The following WDR48 variants were observed in gnomAD, a reference collection of about 807,000 sequenced individuals.
The protein encoded by WDR48 is WD repeat domain 48.
WDR48 carries 22 observed loss-of-function variants against 94.0 expected under a neutral mutation model. The observed-to-expected ratio is 0.23, with a 90% confidence interval of 0.17 to 0.33. The LOEUF (loss-of-function observed/expected upper bound fraction) is 0.33. WDR48 is among the 10% of genes least tolerant of loss of function. The pLI, the probability that WDR48 is intolerant of heterozygous loss-of-function variation, is 1.00. For missense variants in WDR48, 541 were observed against 813.8 expected, an observed-to-expected ratio of 0.66 and a Z score of 4.08; for synonymous variants, 278 against 280.5, an observed-to-expected ratio of 0.99 and a Z score of 0.09.
At chr3:39,069,844 A>AT in intron 7 of WDR48, 100 bp downstream of exon 7, 1 of 941,648 alleles carries the variant, frequency 1.1e-6, no homozygotes, top group Non-Finnish European at 1.5e-6. Context: ...AGCCACACTT[A>AT]TTATAAATTG....
In WDR48 at chr3:39,096,514, C is replaced by T. The variant is rs2035344264; in HGVS notation, c.*1771C>T. The T allele has an allele frequency of 6.6e-6, 1 of 152,184 alleles. No homozygotes were observed. Among genetic ancestry groups the T allele is most frequent in the African/African-American group, 2.4e-5 (1 of 41,438 alleles). 9.4% of individuals were successfully genotyped at this position (152,184 alleles called of 1,614,324 possible). A position where few individuals can be genotyped will look rare whatever the true frequency, so the allele number is the denominator to read the frequency against. ...AGCCTTGGGTGGCTGCATTCCCCTC[C>T]TGTCATAGATCTGACCCCCAGCATG... On this transcript the variant is annotated 3_prime_UTR_variant, in exon 19 of 19. Transcript: ENST00000302313.
rs554020526 is a variant in WDR48, at chr3:39,095,780, A to T, written c.*1037A>T. The T allele has an allele frequency of 6.5e-6, 1 of 152,752 alleles. No homozygotes were observed. Among genetic ancestry groups the T allele is most frequent in the South Asian group, 2.1e-4 (1 of 4,830 alleles). The allele number at this position is 152,752 out of a possible 1,614,324, so 9.5% of individuals were successfully genotyped here. A position where few individuals can be genotyped will look rare whatever the true frequency, so the allele number is the denominator to read the frequency against. ...TTCTTTTCACTGTTCTAACAATCTA[A>T]CACTTTCATAGAATCATTTGGATCT... On this transcript the variant is annotated 3_prime_UTR_variant, in exon 19 of 19. Coordinates refer to ENST00000302313, the MANE Select transcript of WDR48 (RefSeq NM_020839.4).
chr3:39,068,758 T>C lies in WDR48; in HGVS notation c.482-13T>C. 1 of 1,595,528 alleles carries C rather than the reference T, an allele frequency of 6.3e-7. No homozygotes were observed. The highest frequency in any genetic ancestry group is 1.3e-5 in the African/African-American group (1 of 74,724). On this transcript the variant is annotated splice_polypyrimidine_tract_variant and intron_variant, in intron 5 of 18. Transcript: ENST00000302313. ...TGATCTTGTTAACATTTAGCTCCGTTTATCCTCAATAGCTTCTTCTTTAAG... is the reference window on the plus strand; with the variant it reads ...TGATCTTGTTAACATTTAGCTCCGTCTATCCTCAATAGCTTCTTCTTTAAG...
intron 4 of WDR48, 31 bp from the exon 5 acceptor site, chr3:39,066,715 A>T (rs980619334): frequency 1.2e-6 from 2 of 1,613,130 alleles, no homozygotes; most frequent in African/African-American, 2.7e-5. Context: ...TGATCTACAG[A>T]ATAGATCATA....
chr3:39,076,798 C>A (rs1485778037), intron 8 of WDR48, among the ~76,000 whole-genome samples: 2 of 152,072 alleles, frequency 1.3e-5, no homozygotes, highest in Non-Finnish European at 2.9e-5. Context: ...TTCCTTGTTA[C>A]TATAGAAACA....
intron 16 of WDR48, chr3:39,090,653 A>G (rs1398681539): frequency 6.6e-6 from 1 of 152,088 alleles, no homozygotes; most frequent in Admixed American, 6.6e-5. Flanking sequence ...TTTATTGAAA[A>G]TCTGTCCTTT....
At chr3:39,054,159 T>C (rs1035006894) in intron 1 of WDR48, among the ~76,000 whole-genome samples, 1 of 152,338 alleles carries the variant, frequency 6.6e-6, no homozygotes, top group Middle Eastern at 3.4e-3. Context: ...TAATGCGTGT[T>C]CATTGTAAAA....
Position 39,079,024 on chromosome 3 carries a change from C to T in WDR48, c.1076-687C>T, listed in dbSNP as rs1297509854. 5.4e-4 allele frequency among the ~76,000 whole-genome samples: 68 copies of T among 125,594 alleles called. 1 individual carries two copies. Among genetic ancestry groups the T allele is most frequent in the Admixed American group, 4.6e-3 (60 of 13,022 alleles). The allele number at this position is 125,594 out of a possible 152,430, so 82.4% of individuals were successfully genotyped here. ...CAGCCTGGGCGACAGAGCGAGACTC[C>T]GTCTCAAAAAAAAAAAAAAAAAATG... On this transcript the variant is annotated intron_variant, in intron 10 of 18. Coordinates refer to ENST00000302313, the MANE Select transcript of WDR48 (RefSeq NM_020839.4).
chr3:39,092,490 G>A lies in WDR48; in HGVS notation c.1745+789G>A, dbSNP rs116960955. Among the ~76,000 whole-genome samples, 99 of 152,304 alleles carry A rather than the reference G, an allele frequency of 6.5e-4. 1 individual carries two copies. The East Asian group carries it at 0.018, about 28-fold the overall frequency. ...GAGGACCCATGCACCTGCAGCATGGGATGGAGGGGCAGCAGGGGGATATTA... is the reference window on the plus strand; with the variant it reads ...GAGGACCCATGCACCTGCAGCATGGAATGGAGGGGCAGCAGGGGGATATTA... On this transcript the variant is annotated intron_variant, in intron 17 of 18. Transcript: ENST00000302313.
Position 39,074,649 on chromosome 3 carries a change from C to T in WDR48, c.673-77C>T, listed in dbSNP as rs1044127712. 9.3e-6 allele frequency: 13 copies of T among 1,404,038 alleles called. No homozygotes were observed. In the East Asian group the frequency reaches 2.6e-4, roughly 28 times the overall value. The allele number at this position is 1,404,038 out of a possible 1,614,324, so 87.0% of individuals were successfully genotyped here. A position where few individuals can be genotyped will look rare whatever the true frequency, so the allele number is the denominator to read the frequency against. On this transcript the variant is annotated intron_variant, in intron 7 of 18. Coordinates refer to ENST00000302313, the MANE Select transcript of WDR48 (RefSeq NM_020839.4). ...AGTCGTGTGTTTGACAGTGTGGACTCGGGAGAAGTCAAGTGCAAAGCACAA... is the reference window on the plus strand; with the variant it reads ...AGTCGTGTGTTTGACAGTGTGGACTTGGGAGAAGTCAAGTGCAAAGCACAA...
Position 39,095,831 on chromosome 3 carries a change from T to G in WDR48, c.*1088T>G, listed in dbSNP as rs2035308239. On this transcript the variant is annotated 3_prime_UTR_variant, in exon 19 of 19. Coordinates refer to ENST00000302313, the MANE Select transcript of WDR48 (RefSeq NM_020839.4). ...TGTATAGAGTGTAACTTATTGGGGA[T>G]AAACACTTCAACTTTTGGCAGAAAA... is the stretch of plus-strand genomic sequence containing the variant. 8.5e-5 allele frequency: 13 copies of G among 152,696 alleles called. No individual in the cohort carries two copies. Among genetic ancestry groups the G allele is most frequent in the Admixed American group, 8.5e-4 (13 of 15,286 alleles). 9.5% of individuals were successfully genotyped at this position (152,696 alleles called of 1,614,324 possible).
At position 39,063,188 on chromosome 3, in the gene WDR48, A is replaced by C. The variant is rs765166210; in HGVS notation, c.187A>C (p.Lys63Gln). ...IIRIWSVNQHKQDPYIASMEH... is the reference protein window; with the variant it reads ...IIRIWSVNQHQQDPYIASMEH... ...AAGAATATGGAGTGTCAATCAGCAC[A>C]AGGTAATGCAGGGATTAAAATCTGT... The change falls in exon 2 of 19, where the codon AAG becomes CAG. Residue 63 changes from lysine to glutamine, a missense_variant and splice_region_variant. Coordinates refer to ENST00000302313, the MANE Select transcript of WDR48 (RefSeq NM_020839.4). 1 of 1,613,918 alleles carries C rather than the reference A, an allele frequency of 6.2e-7. No homozygotes were observed. The highest frequency in any genetic ancestry group is 1.1e-5 in the South Asian group (1 of 91,044).
chr3:39,066,108 G>A (rs1447310739), intron 3 of WDR48, among the ~76,000 whole-genome samples: 3 of 152,096 alleles, frequency 2.0e-5, no homozygotes, highest in Non-Finnish European at 4.4e-5. Context: ...TTGCCCCAAG[G>A]TAACTGCTCT....
chr3:39,082,868 G>T (rs1466497146), intron 11 of WDR48, among the ~76,000 whole-genome samples: 4 of 152,196 alleles, frequency 2.6e-5, no homozygotes, highest in Non-Finnish European at 5.9e-5. Context: ...GTTACAGTTT[G>T]ATGTCATAGG....
intron 7 of WDR48, among the ~76,000 whole-genome samples, chr3:39,073,569 A>G (rs976749591): frequency 8.5e-5 from 13 of 152,154 alleles, no homozygotes; most frequent in African/African-American, 3.1e-4. Flanking sequence ...CCTCCGGGCC[A>G]TTCTTTTTCC....
intron 10 of WDR48, among the ~76,000 whole-genome samples, chr3:39,078,891 G>T (rs373728946): frequency 1.6e-4 from 24 of 151,558 alleles, no homozygotes; most frequent in African/African-American, 5.3e-4. Flanking sequence ...TTAGCTGGGC[G>T]TAGTGGCGGG....
In WDR48 at chr3:39,079,786, T is replaced by C; in HGVS notation, c.1151T>C (p.Val384Ala). The C allele has an allele frequency of 6.4e-7, 1 of 1,555,828 alleles. No homozygotes were observed. The highest frequency in any genetic ancestry group is 8.6e-7 in the Non-Finnish European group (1 of 1,157,904). Residue 384 changes from valine to alanine, a missense_variant, in exon 11 of 19, where the codon GTG (valine) becomes GCG (alanine). Coordinates refer to ENST00000302313, the MANE Select transcript of WDR48 (RefSeq NM_020839.4). The part of the protein sequence containing the change: ...HILTKDTNNN[V>A]AYWDVLKACK... ...TTAACCAAAGATACCAATAATAATG[T>C]GGCATATTGGGATGTATTGAAGGTG...
rs752718532 is a variant in WDR48, at chr3:39,084,597, T to C, written c.1282-48T>C. ...ATAAATGAAGGTTTAGAGACTTGTT[T>C]GGAGAATATATTCAAATGGGATGCC... is the stretch of plus-strand genomic sequence containing the variant. On this transcript the variant is annotated intron_variant, in intron 12 of 18. Coordinates refer to ENST00000302313, the MANE Select transcript of WDR48 (RefSeq NM_020839.4). The C allele has an allele frequency of 4.6e-6, 7 of 1,531,986 alleles. No individual in the cohort carries two copies. In the South Asian group the frequency reaches 8.0e-5, roughly 17 times the overall value. The allele number at this position is 1,531,986 out of a possible 1,614,324, so 94.9% of individuals were successfully genotyped here.
intron 9 of WDR48, 135 bp downstream of exon 9, chr3:39,077,348 C>A: frequency 1.3e-6 from 1 of 763,052 alleles, no homozygotes; most frequent in Non-Finnish European, 2.1e-6. Flanking sequence ...ACCTGAAAGC[C>A]CTGTGAATGT....
Sources: gnomAD v4.1 joint callset for allele counts (sites outside exome capture counted in the v4.1 genomes callset) on GRCh38, gnomAD v4.1.1 for gene constraint, MANE v1.5 for transcripts, NCBI Gene and HGNC (gene_info 2026-07-23, HGNC 2026-07-21) for gene names.